SPATS2: variants seen among roughly 807,000 people sequenced by gnomAD.
The protein encoded by SPATS2 is spermatogenesis-associated serine-rich protein 2.
A neutral mutation model predicts 63.7 loss-of-function variants in SPATS2; 38 were observed. The ratio of observed to expected loss-of-function variants is 0.60; its 90% CI spans 0.46 to 0.78. SPATS2 has a LOEUF of 0.78. Ranked by LOEUF, SPATS2 falls within the 30% of genes least tolerant of loss-of-function variation. The pLI is 0.00. For missense variants in SPATS2, 588 were observed against 666.2 expected (o/e 0.88, Z 1.29); for synonymous variants, 207 against 232.9 (o/e 0.89, Z 1.01).
chr12:49,395,625 C>T (rs1450869657), intron 2 of SPATS2, among the ~76,000 whole-genome samples: 1 of 151,742 alleles, frequency 6.6e-6, no homozygotes, highest in Non-Finnish European at 1.5e-5. Context: ...GGGGTTTCAC[C>T]ATGTTGATTA....
At chr12:49,385,148 T>C (rs1944290364) in intron 2 of SPATS2, among the ~76,000 whole-genome samples, 1 of 152,088 alleles carries the variant, frequency 6.6e-6, no homozygotes, top group Non-Finnish European at 1.5e-5. Flanking sequence ...GTGCCTACTA[T>C]GAGCCAGGTA....
intron 2 of SPATS2, among the ~76,000 whole-genome samples, chr12:49,444,943 C>A (rs1287599923): frequency 6.6e-6 from 1 of 152,114 alleles, no homozygotes. Context: ...AATTATTAGA[C>A]CTTGCTGAAC....
Position 49,436,502 on chromosome 12 carries a change from C to T in SPATS2, c.-243-24268C>T, listed in dbSNP as rs546529876. ...GCAGAGGCGCCCCTTACCTCCCGGACGGGGCGGCTGGCCGGGCGGGGGGCT... is the reference window on the plus strand; with the variant it reads ...GCAGAGGCGCCCCTTACCTCCCGGATGGGGCGGCTGGCCGGGCGGGGGGCT... On this transcript the variant is annotated intron_variant, in intron 2 of 13. Coordinates refer to ENST00000552918, the MANE Select transcript of SPATS2 (RefSeq NM_023071.4). 8.1e-3 allele frequency among the ~76,000 whole-genome samples: 1,031 copies of T among 127,170 alleles called. 14 individuals are homozygous for T. Among genetic ancestry groups the T allele is most frequent in the African/African-American group, 0.028 (928 of 33,004 alleles). 83.4% of individuals were successfully genotyped at this position (127,170 alleles called of 152,430 possible). A position where few individuals can be genotyped will look rare whatever the true frequency, so the allele number is the denominator to read the frequency against.
At chr12:49,493,138 C>T (rs1946411771) in intron 6 of SPATS2, among the ~76,000 whole-genome samples, 1 of 150,796 alleles carries the variant, frequency 6.6e-6, no homozygotes, top group Non-Finnish European at 1.5e-5. Context: ...AAGATGAGAG[C>T]TGTTAAGGCA....
chr12:49,416,969 G>A lies in SPATS2; in HGVS notation c.-243-43801G>A, dbSNP rs376906043. 1.2e-4 allele frequency among the ~76,000 whole-genome samples: 19 copies of A among 152,304 alleles called. No homozygotes were observed. In the South Asian group the frequency reaches 3.3e-3, roughly 27 times the overall value. On this transcript the variant is annotated intron_variant, in intron 2 of 13. Coordinates refer to ENST00000552918, the MANE Select transcript of SPATS2 (RefSeq NM_023071.4). ...CAACAAGTTTTGGAAGCTAGACAAC[G>A]TGTCAGGCTTTTCTCTTCCCTTTTT...
chr12:49,517,859 A>G (rs1469805413), intron 10 of SPATS2, among the ~76,000 whole-genome samples: 1 of 152,220 alleles, frequency 6.6e-6, no homozygotes, highest in African/African-American at 2.4e-5. Context: ...GTACCCAACA[A>G]CATTGGATTT....
intron 2 of SPATS2, among the ~76,000 whole-genome samples, chr12:49,408,209 G>A (rs974595440): frequency 1.3e-5 from 2 of 151,334 alleles, no homozygotes; most frequent in Non-Finnish European, 2.9e-5. Flanking sequence ...AGATACGCCC[G>A]CTTTTCGAAG....
intron 3 of SPATS2, 90 bp from the exon 4 acceptor site, chr12:49,484,500 T>C (rs1000187794): frequency 8.0e-7 from 1 of 1,247,124 alleles, no homozygotes; most frequent in African/African-American, 1.5e-5. Flanking sequence ...AATTGTTTTA[T>C]GGGACGAAAG....
At chr12:49,395,727 A>G (rs1474411847) in intron 2 of SPATS2, among the ~76,000 whole-genome samples, 1 of 152,200 alleles carries the variant, frequency 6.6e-6, no homozygotes, top group Admixed American at 6.5e-5. Context: ...TGCCCGACCC[A>G]GATTGTTATA....
intron 11 of SPATS2, among the ~76,000 whole-genome samples, chr12:49,519,459 C>T (rs1045007271): frequency 1.1e-4 from 17 of 152,226 alleles, no homozygotes; most frequent in Admixed American, 9.8e-4. Flanking sequence ...TCTTCATCTC[C>T]ACCACCACCA....
At chr12:49,521,776 A>T (rs1373112236) in intron 11 of SPATS2, among the ~76,000 whole-genome samples, 1 of 152,166 alleles carries the variant, frequency 6.6e-6, no homozygotes, top group East Asian at 1.9e-4. Flanking sequence ...CTGATATTAC[A>T]TGTCTGAAGG....
At chr12:49,402,700 C>A (rs925453267) in intron 2 of SPATS2, among the ~76,000 whole-genome samples, 2 of 151,904 alleles carry the variant, frequency 1.3e-5, no homozygotes, top group Admixed American at 1.3e-4. Flanking sequence ...TGAGAAGTGA[C>A]CTAGGCATAT....
At chr12:49,506,496 G>A (rs1185617416) in intron 9 of SPATS2, among the ~76,000 whole-genome samples, 1 of 152,118 alleles carries the variant, frequency 6.6e-6, no homozygotes, top group Non-Finnish European at 1.5e-5. Flanking sequence ...AAAACAGTAT[G>A]GGGGAACCAC....
chr12:49,394,912 C>CA (rs112604213), intron 2 of SPATS2, among the ~76,000 whole-genome samples: 28,049 of 148,544 alleles, frequency 0.19, 3,546 homozygotes, highest in African/African-American at 0.37. Flanking sequence ...ACTAAAAATA[C>CA]AAAAAAAAAA....
At position 49,516,194 on chromosome 12, in the gene SPATS2, T is replaced by A. The variant is rs868106841; in HGVS notation, c.898+1581T>A. Among the ~76,000 whole-genome samples the A allele has an allele frequency of 1.1e-3, 68 of 62,226 alleles. 10 individuals are homozygous for A. The highest frequency in any genetic ancestry group is 4.4e-3 in the African/African-American group (56 of 12,664). 40.8% of individuals were successfully genotyped at this position (62,226 alleles called of 152,430 possible). ...ATATATATATATATATATATATATA[T>A]ATATATATATATATAAATCAGGCAT... On this transcript the variant is annotated intron_variant, in intron 10 of 13. Coordinates refer to ENST00000552918, the MANE Select transcript of SPATS2 (RefSeq NM_023071.4).
At chr12:49,489,668 A>G in intron 5 of SPATS2, 95 bp downstream of exon 5, 6 of 991,080 alleles carry the variant, frequency 6.1e-6, no homozygotes, top group Non-Finnish European at 9.0e-6. Context: ...TGATTCATAG[A>G]TGATAGAGCA....
At chr12:49,523,965 T>G (rs1418666237) in intron 12 of SPATS2, among the ~76,000 whole-genome samples, 1 of 150,296 alleles carries the variant, frequency 6.7e-6, no homozygotes, top group East Asian at 1.9e-4. Flanking sequence ...AAAAAAAAAG[T>G]GAAATATTTC....
At chr12:49,374,959 A>C (rs895465369) in intron 2 of SPATS2, among the ~76,000 whole-genome samples, 3 of 77,222 alleles carry the variant, frequency 3.9e-5, no homozygotes, top group Non-Finnish European at 4.8e-5. Context: ...GATCTGTCTC[A>C]AAAAAAAAAA....
chr12:49,484,711 GA>G, intron 4 of SPATS2, 42 bp downstream of exon 4: 1 of 1,574,836 alleles, frequency 6.3e-7, no homozygotes, highest in East Asian at 2.2e-5. Context: ...AATGTCATAG[GA>G]AAATTTAGGT....
Sources: allele counts gnomAD v4.1 joint callset (sites outside exome capture counted in the v4.1 genomes callset), GRCh38; gene constraint gnomAD v4.1.1; transcripts MANE v1.5; gene names NCBI Gene and HGNC (gene_info 2026-07-23, HGNC 2026-07-21).